The following EIF2B3 variants were observed in gnomAD, a reference collection of about 807,000 sequenced individuals.
EIF2B3 encodes the protein translation initiation factor eIF2B subunit gamma.
In EIF2B3, 20 loss-of-function variants were observed where a neutral mutation model predicts 54.1. The ratio of observed to expected loss-of-function variants is 0.37; its 90% CI spans 0.26 to 0.54. EIF2B3 has a LOEUF of 0.54. Among genes scored for constraint, EIF2B3 ranks in the 20% least tolerant of loss-of-function variants. EIF2B3 has a pLI of 0.86. For synonymous variants in EIF2B3, 153 were observed against 188.1 expected, an observed-to-expected ratio of 0.81 and a Z score of 1.52; for missense variants, 448 against 547.8, an observed-to-expected ratio of 0.82 and a Z score of 1.82.
chr1:44,901,357 C>G (rs1643293879), intron 5 of EIF2B3, among the ~76,000 whole-genome samples: 1 of 152,046 alleles, frequency 6.6e-6, no homozygotes, highest in Admixed American at 6.5e-5. Context: ...CTCAGGTGAT[C>G]CACCCGCCTC....
intron 10 of EIF2B3, among the ~76,000 whole-genome samples, chr1:44,861,239 C>T (rs971279730): frequency 2.6e-5 from 4 of 152,114 alleles, no homozygotes; most frequent in African/African-American, 9.7e-5. Context: ...GTGGTTCCTG[C>T]TTTTTGGGGG....
intron 10 of EIF2B3, among the ~76,000 whole-genome samples, chr1:44,861,476 C>T (rs1053804692): frequency 1.3e-5 from 2 of 152,188 alleles, no homozygotes; most frequent in Non-Finnish European, 2.9e-5. Flanking sequence ...AAACAGCCAA[C>T]AGGAACTCAA....
chr1:44,978,728 C>T (rs1403139299), intron 2 of EIF2B3, among the ~76,000 whole-genome samples: 1 of 148,534 alleles, frequency 6.7e-6, no homozygotes, highest in African/African-American at 2.5e-5. Flanking sequence ...CCTCAACCTC[C>T]CAAGATCAGG....
chr1:44,858,070 C>CT (rs3044232), intron 10 of EIF2B3, among the ~76,000 whole-genome samples: 2,025 of 127,362 alleles, frequency 0.016, 50 homozygotes, highest in Non-Finnish European at 0.021. Context: ...ACTTCAGTTC[C>CT]TTTTTTTTTT....
chr1:44,874,561 C>A, intron 10 of EIF2B3, 117 bp downstream of exon 10: 2 of 1,112,394 alleles, frequency 1.8e-6, no homozygotes, highest in East Asian at 4.9e-5. Flanking sequence ...TTCTATTGCC[C>A]TCTTGATTAG....
chr1:44,870,796 G>T (rs914228787), intron 10 of EIF2B3, among the ~76,000 whole-genome samples: 2 of 151,986 alleles, frequency 1.3e-5, no homozygotes, highest in Non-Finnish European at 2.9e-5. Context: ...GGTATTACAG[G>T]TGTGTGCCAC....
intron 1 of EIF2B3, among the ~76,000 whole-genome samples, chr1:44,985,977 CA>C (rs1031866373): frequency 6.6e-6 from 1 of 152,174 alleles, no homozygotes; most frequent in Non-Finnish European, 1.5e-5. Context: ...CACTGCCCTG[CA>C]TCCAAACAAC....
chr1:44,908,684 ATT>A (rs1478716644), intron 5 of EIF2B3, among the ~76,000 whole-genome samples: 1 of 152,232 alleles, frequency 6.6e-6, no homozygotes, highest in East Asian at 1.9e-4. Flanking sequence ...CAAGCAATGT[ATT>A]TATAGATTTG....
intron 3 of EIF2B3, among the ~76,000 whole-genome samples, chr1:44,962,408 A>G (rs998295031): frequency 6.6e-6 from 1 of 152,162 alleles, no homozygotes; most frequent in African/African-American, 2.4e-5. Context: ...GTTCACATAA[A>G]CATGCATCTA....
intron 4 of EIF2B3, among the ~76,000 whole-genome samples, chr1:44,930,504 A>T (rs372737414): frequency 2.0e-5 from 3 of 152,298 alleles, no homozygotes; most frequent in East Asian, 3.9e-4. Flanking sequence ...AGACTTCAAG[A>T]GACTTTGTAG....
At chr1:44,907,734 C>T (rs12027415) in intron 5 of EIF2B3, among the ~76,000 whole-genome samples, 2 of 151,454 alleles carry the variant, frequency 1.3e-5, no homozygotes. Flanking sequence ...AACCCTGTCT[C>T]TATTAAAAAT....
chr1:44,910,178 A>G (rs1049996072), intron 5 of EIF2B3, among the ~76,000 whole-genome samples: 2 of 152,210 alleles, frequency 1.3e-5, no homozygotes, highest in African/African-American at 4.8e-5. Flanking sequence ...ATGAACTATT[A>G]AAAACATATG....
At chr1:44,913,891 A>G (rs1353323892) in intron 5 of EIF2B3, among the ~76,000 whole-genome samples, 3 of 146,564 alleles carry the variant, frequency 2.0e-5, no homozygotes, top group Admixed American at 6.9e-5. Context: ...CAATGGCACA[A>G]TCTCGGCTCA....
chr1:44,927,138 CAAA>C (rs533146412), intron 4 of EIF2B3, among the ~76,000 whole-genome samples: 1 of 114,326 alleles, frequency 8.7e-6, no homozygotes, highest in East Asian at 2.4e-4. Flanking sequence ...GATTCCATCT[CAAA>C]AAAAAAAAAC....
intron 10 of EIF2B3, among the ~76,000 whole-genome samples, chr1:44,861,423 T>G (rs1450018507): frequency 6.6e-6 from 1 of 152,192 alleles, no homozygotes; most frequent in Non-Finnish European, 1.5e-5. Flanking sequence ...AAAGAATGTA[T>G]GCTCTGAAGC....
chr1:44,909,201 A>G (rs1369936738), intron 5 of EIF2B3, among the ~76,000 whole-genome samples: 1 of 152,158 alleles, frequency 6.6e-6, no homozygotes, highest in Non-Finnish European at 1.5e-5. Flanking sequence ...TGGTGGTAGT[A>G]AGGGACTAGA....
chr1:44,900,188 T>G (rs1643251893), intron 5 of EIF2B3, among the ~76,000 whole-genome samples: 1 of 152,168 alleles, frequency 6.6e-6, no homozygotes, highest in African/African-American at 2.4e-5. Context: ...GGCTCACACC[T>G]GTAATCCCAG....
At chr1:44,985,302 C>T (rs376412850) in intron 1 of EIF2B3, among the ~76,000 whole-genome samples, 16 of 152,308 alleles carry the variant, frequency 1.1e-4, no homozygotes, top group East Asian at 9.7e-4. Flanking sequence ...GCTCAAGAAT[C>T]CTCTTGCCTA....
intron 1 of EIF2B3, among the ~76,000 whole-genome samples, chr1:44,984,199 A>C (rs1413604825): frequency 1.3e-5 from 2 of 151,886 alleles, no homozygotes; most frequent in African/African-American, 4.8e-5. Flanking sequence ...AAAATAAAAT[A>C]AAAAAGAGCC....
Sources: allele counts gnomAD v4.1 joint callset (sites outside exome capture counted in the v4.1 genomes callset), GRCh38; gene constraint gnomAD v4.1.1; transcripts MANE v1.5; gene names NCBI Gene and HGNC (gene_info 2026-07-23, HGNC 2026-07-21).